CNTNAP2: variants seen among roughly 807,000 people sequenced by gnomAD.
CNTNAP2 encodes contactin-associated protein-like 2.
In CNTNAP2, 98 loss-of-function variants were observed where a neutral mutation model predicts 155.2. The ratio of observed to expected loss-of-function variants is 0.63; its 90% CI spans 0.54 to 0.75. CNTNAP2 has a LOEUF of 0.75. CNTNAP2 is among the 30% of genes least tolerant of loss of function. CNTNAP2 has a pLI of 0.00. For synonymous variants in CNTNAP2, 651 were observed against 631.2 expected (o/e 1.03, Z -0.47); for missense variants, 1,727 against 1,688.1 (o/e 1.02, Z -0.40).
intron 13 of CNTNAP2, among the ~76,000 whole-genome samples, chr7:147,794,122 T>C (rs1797858000): frequency 1.3e-5 from 2 of 151,992 alleles, no homozygotes; most frequent in African/African-American, 4.8e-5. Context: ...AATTCTTCTT[T>C]TATAATCTGG....
At chr7:147,745,767 A>G (rs1797030698) in intron 13 of CNTNAP2, among the ~76,000 whole-genome samples, 1 of 152,228 alleles carries the variant, frequency 6.6e-6, no homozygotes, top group East Asian at 1.9e-4. Flanking sequence ...TGTAACGTAA[A>G]GGAGGTCAGG....
chr7:146,810,882 A>C (rs1046709033), intron 2 of CNTNAP2, among the ~76,000 whole-genome samples: 2 of 152,124 alleles, frequency 1.3e-5, no homozygotes, highest in Non-Finnish European at 2.9e-5. Context: ...TGTTGCATCT[A>C]TTGAGATGAT....
chr7:147,993,609 G>A (rs1022118704), intron 15 of CNTNAP2, among the ~76,000 whole-genome samples: 1 of 152,192 alleles, frequency 6.6e-6, no homozygotes, highest in African/African-American at 2.4e-5. Context: ...GGTTGAGAAA[G>A]AGAATGAGCT....
rs191013072 is a variant in CNTNAP2, at chr7:148,240,591, T to G, written c.3381+10812T>G. Among the ~76,000 whole-genome samples, 644 of 152,276 alleles carry G rather than the reference T, an allele frequency of 4.2e-3. 11 individuals are homozygous for G. The highest frequency in any genetic ancestry group is 0.014 in the African/African-American group (589 of 41,556). On this transcript the variant is annotated intron_variant, in intron 20 of 23. Coordinates refer to ENST00000361727, the MANE Select transcript of CNTNAP2 (RefSeq NM_014141.6). Reference sequence around the variant, plus strand: ...TCTTTATTGATAGGCTACCTTACTATATTAGGGCTCTCTAGCAGGACAGAA... The same window carrying G: ...TCTTTATTGATAGGCTACCTTACTAGATTAGGGCTCTCTAGCAGGACAGAA...
intron 21 of CNTNAP2, among the ~76,000 whole-genome samples, chr7:148,304,457 C>T (rs1021798219): frequency 1.3e-5 from 2 of 152,012 alleles, no homozygotes; most frequent in Non-Finnish European, 2.9e-5. Flanking sequence ...GTCTTTAATT[C>T]TCTAAATATA....
At position 146,983,913 on chromosome 7, in the gene CNTNAP2, G is replaced by C. The variant is rs554498482; in HGVS notation, c.403-59994G>C. Among the ~76,000 whole-genome samples the C allele has an allele frequency of 1.6e-4, 24 of 152,252 alleles. No individual in the cohort carries two copies. In the South Asian group the frequency reaches 5.0e-3, roughly 32 times the overall value. On this transcript the variant is annotated intron_variant, in intron 3 of 23. Transcript: ENST00000361727. ...TGTTATAAATACCCATGGTGAAAAA[G>C]ACCTACTTAGAAGATGTTTTCTTTA...
intron 13 of CNTNAP2, among the ~76,000 whole-genome samples, chr7:147,805,969 A>T (rs554011183): frequency 6.6e-6 from 1 of 152,350 alleles, no homozygotes; most frequent in East Asian, 1.9e-4. Context: ...AGACCTTAAA[A>T]GCACAAGAAA....
At chr7:147,525,580 G>A (rs1030876342) in intron 11 of CNTNAP2, among the ~76,000 whole-genome samples, 4 of 152,184 alleles carry the variant, frequency 2.6e-5, no homozygotes, top group Non-Finnish European at 5.9e-5. Flanking sequence ...TGGATGGGTA[G>A]GCAGAAGCTA....
At chr7:146,234,865 CAT>C (rs1799445840) in intron 1 of CNTNAP2, among the ~76,000 whole-genome samples, 2 of 152,288 alleles carry the variant, frequency 1.3e-5, no homozygotes, top group South Asian at 2.1e-4. Flanking sequence ...AGCATTTTAG[CAT>C]ATGAGTTGGG....
chr7:146,931,718 G>T (rs1796762201), intron 3 of CNTNAP2, among the ~76,000 whole-genome samples: 1 of 148,388 alleles, frequency 6.7e-6, no homozygotes, highest in African/African-American at 2.5e-5. Context: ...AAAGAGAGAA[G>T]AATCAAATAG....
Position 146,827,048 on chromosome 7 carries a change from AT to A in CNTNAP2, c.209-12662del, listed in dbSNP as rs538340262. On this transcript the variant is annotated intron_variant, in intron 2 of 23. Coordinates refer to ENST00000361727, the MANE Select transcript of CNTNAP2 (RefSeq NM_014141.6). The stretch of plus-strand genomic sequence containing the variant: ...ATTACAATTCAATTTGCCTTACATA[AT>A]CTCTGTCGTTCTTATATGTATGCAG... Among the ~76,000 whole-genome samples, 379 of 152,004 alleles carry A rather than the reference AT, an allele frequency of 2.5e-3. 1 individual carries two copies. Among genetic ancestry groups the A allele is most frequent in the African/African-American group, 8.6e-3 (357 of 41,480 alleles).
At chr7:146,697,354 C>T (rs1800799670) in intron 1 of CNTNAP2, among the ~76,000 whole-genome samples, 1 of 152,038 alleles carries the variant, frequency 6.6e-6, no homozygotes, top group African/African-American at 2.4e-5. Context: ...TCTCCCTGCT[C>T]AGCCTCCTGA....
intron 10 of CNTNAP2, among the ~76,000 whole-genome samples, chr7:147,411,491 T>A (rs1052635828): frequency 1.3e-5 from 2 of 152,170 alleles, no homozygotes; most frequent in Non-Finnish European, 2.9e-5. Context: ...ATGTAAGATG[T>A]CTGAAATAGA....
chr7:147,527,830 T>A (rs1484041870), intron 11 of CNTNAP2, among the ~76,000 whole-genome samples: 2 of 152,168 alleles, frequency 1.3e-5, no homozygotes, highest in Non-Finnish European at 2.9e-5. Context: ...CAGGCTGGCC[T>A]GAGACTAGGA....
chr7:147,715,552 T>A (rs1250277366), intron 13 of CNTNAP2, among the ~76,000 whole-genome samples: 1 of 152,126 alleles, frequency 6.6e-6, no homozygotes, highest in Non-Finnish European at 1.5e-5. Context: ...ATGGGGTTTT[T>A]TTAGTATTGA....
chr7:148,173,743 T>C (rs1211335334), intron 18 of CNTNAP2, among the ~76,000 whole-genome samples: 1 of 152,208 alleles, frequency 6.6e-6, no homozygotes, highest in African/African-American at 2.4e-5. Flanking sequence ...GCAGAACACA[T>C]TAATTTTGCA....
At chr7:146,132,189 A>G (rs946028012) in intron 1 of CNTNAP2, among the ~76,000 whole-genome samples, 1 of 152,138 alleles carries the variant, frequency 6.6e-6, no homozygotes, top group Non-Finnish European at 1.5e-5. Context: ...TGATCAATTT[A>G]CTTAGAACAT....
chr7:146,402,421 C>T (rs1795727514), intron 1 of CNTNAP2, among the ~76,000 whole-genome samples: 1 of 152,056 alleles, frequency 6.6e-6, no homozygotes, highest in African/African-American at 2.4e-5. Context: ...ACAGTAGGTT[C>T]TATCCAGAGT....
intron 10 of CNTNAP2, among the ~76,000 whole-genome samples, chr7:147,477,322 A>G (rs1798340496): frequency 6.6e-6 from 1 of 152,206 alleles, no homozygotes; most frequent in African/African-American, 2.4e-5. Context: ...TGAAAATGCC[A>G]CTGATTATCA....
Sources: allele counts gnomAD v4.1 joint callset (sites outside exome capture counted in the v4.1 genomes callset), GRCh38; gene constraint gnomAD v4.1.1; transcripts MANE v1.5; gene names NCBI Gene and HGNC (gene_info 2026-07-23, HGNC 2026-07-21).